Variants in ZNF285 observed in about 807,000 individuals in gnomAD.
ZNF285 encodes zinc finger protein 285A.
ZNF285 carries 4 observed loss-of-function variants against 6.2 expected under a neutral mutation model. That is an observed-to-expected ratio of 0.65 (90% CI 0.32 to 1.49). ZNF285 has a LOEUF of 1.49. Among genes scored for constraint, ZNF285 ranks in the 40% most tolerant of loss-of-function variants. The pLI, the probability that ZNF285 is intolerant of heterozygous loss-of-function variation, is 0.07. For synonymous variants in ZNF285, 240 were observed against 245.8 expected (o/e 0.98, Z 0.22); for missense variants, 695 against 708.8 (o/e 0.98, Z 0.22).
At chr19:44,390,983 A>G (rs12709876) in intron 3 of ZNF285, among the ~76,000 whole-genome samples, 39,499 of 151,606 alleles carry the variant, frequency 0.26, 8,680 homozygotes, top group African/African-American at 0.58. Flanking sequence ...GTGAAATCCC[A>G]TCTCTACTAA....
rs1405768526 is a variant in ZNF285, at chr19:44,383,535, T to G, written c.*2937A>C. 2 of 152,186 alleles carry G rather than the reference T, an allele frequency of 1.3e-5. No individual in the cohort carries two copies. The highest frequency in any genetic ancestry group is 4.8e-5 in the African/African-American group (2 of 41,430). The allele number at this position is 152,186 out of a possible 1,614,324, so 9.4% of individuals were successfully genotyped here. ...ACCATCAGCTGACTGCAGATGCATG[T>G]ACAAAGCCCAGTTAAGATAATCTAG... On this transcript the variant is annotated 3_prime_UTR_variant, in exon 4 of 4. Transcript: ENST00000614994.
chr19:44,389,133 T>C (rs1971150208), intron 3 of ZNF285, among the ~76,000 whole-genome samples: 1 of 151,666 alleles, frequency 6.6e-6, no homozygotes, highest in Non-Finnish European at 1.5e-5. Context: ...TTTTAAGTTG[T>C]TGCAGAATCT....
intron 1 of ZNF285, among the ~76,000 whole-genome samples, chr19:44,397,756 T>C (rs914790418): frequency 1.3e-5 from 2 of 151,954 alleles, no homozygotes; most frequent in Admixed American, 1.3e-4. Flanking sequence ...TGGTGGCGGA[T>C]GCCTGTAATC....
Position 44,387,929 on chromosome 19 carries a change from A to T in ZNF285, c.316T>A (p.Ser106Thr). 6.2e-7 allele frequency: 1 copy of T among 1,614,118 alleles called. No individual in the cohort carries two copies. Among genetic ancestry groups the T allele is most frequent in the Non-Finnish European group, 8.5e-7 (1 of 1,179,986 alleles). Residue 106 changes from serine (S) to threonine (T), a missense_variant, in exon 4 of 4, where the codon TCC becomes ACC. Ser to Thr is a moderately conservative substitution (Grantham distance 58). Coordinates refer to ENST00000614994, the MANE Select transcript of ZNF285 (RefSeq NM_152354.6). ...EECSPHLEDV[S>T]LSEEWAGISL... is the part of the protein sequence containing the mutation. ...ATGCCTGCCCACTCTTCACTGAGGG[A>T]AACATCTTCTAAATGTGGGGAACAC...
At chr19:44,397,985 T>C (rs924628306) in intron 1 of ZNF285, among the ~76,000 whole-genome samples, 1 of 151,978 alleles carries the variant, frequency 6.6e-6, no homozygotes, top group Non-Finnish European at 1.5e-5. Flanking sequence ...TGATCTTGTA[T>C]GGCCAAGCCT....
At chr19:44,398,884 T>C (rs145494710) in intron 1 of ZNF285, among the ~76,000 whole-genome samples, 2 of 152,110 alleles carry the variant, frequency 1.3e-5, no homozygotes, top group African/African-American at 4.8e-5. Flanking sequence ...TCTCACACTA[T>C]CTGTGATAAA....
chr19:44,399,446 T>A (rs1599975114), intron 1 of ZNF285, among the ~76,000 whole-genome samples: 1 of 142,072 alleles, frequency 7.0e-6, no homozygotes, highest in Non-Finnish European at 1.5e-5. Flanking sequence ...TTGGTAAGGA[T>A]CTTATCATTT....
Position 44,392,323 on chromosome 19 carries a change from C to A in ZNF285, c.142+17G>T. ...TTTGAGGAAACAGGTCCAGTGGTCT[C>A]ATGCTCAGTTACTCACTCACTAACA... On this transcript the variant is annotated intron_variant, in intron 3 of 3. Coordinates refer to ENST00000614994, the MANE Select transcript of ZNF285 (RefSeq NM_152354.6). 6.2e-7 allele frequency: 1 copy of A among 1,613,488 alleles called. No individual in the cohort carries two copies. Among genetic ancestry groups the A allele is most frequent in the Non-Finnish European group, 8.5e-7 (1 of 1,179,744 alleles).
At chr19:44,394,491 G>A (rs752817115) in intron 2 of ZNF285, 13 of 499,448 alleles carry the variant, frequency 2.6e-5, no homozygotes, top group South Asian at 1.1e-4. Context: ...CCAAACCCCC[G>A]CAACACATAA....
chr19:44,387,509 C>CTGTA lies in ZNF285; in HGVS notation c.732_735dup (p.Asp246TyrfsTer17), dbSNP rs1971110106. On this transcript the variant is annotated frameshift_variant, in exon 4 of 4. Transcript: ENST00000614994. LOFTEE classifies it low-confidence loss of function (END_TRUNC). ...TGAGTGCTGTGATGGACATGAGGAT[C>CTGTA]TGTATCATCTGCAAAGGCCACCCCA... The CTGTA allele has an allele frequency of 6.2e-7, 1 of 1,613,842 alleles. No homozygotes were observed.
intron 2 of ZNF285, among the ~76,000 whole-genome samples, chr19:44,395,088 T>C (rs542409147): frequency 6.6e-6 from 1 of 152,170 alleles, no homozygotes; most frequent in East Asian, 1.9e-4. Flanking sequence ...TGTAGCTGGA[T>C]GGATCCCTTG....
chr19:44,389,574 C>A (rs1374680259), intron 3 of ZNF285, among the ~76,000 whole-genome samples: 2 of 152,194 alleles, frequency 1.3e-5, no homozygotes, highest in Non-Finnish European at 2.9e-5. Context: ...ATACGATGTG[C>A]AATACACTTC....
rs777460889 is a variant in ZNF285 at position 44,387,040 on chromosome 19, C to A, written c.1205G>T (p.Cys402Phe). The change falls in exon 4 of 4, where the codon TGC (cysteine) becomes TTC (phenylalanine). Residue 402 changes from cysteine (C) to phenylalanine (F), a missense_variant. By Grantham distance (205) the Cys-to-Phe change is radical (BLOSUM62 -2). Coordinates refer to ENST00000614994, the MANE Select transcript of ZNF285 (RefSeq NM_152354.6). ...RVHTGEKPYK[C>F]SECGKCFSSS... is the part of the protein sequence containing the mutation. Reference sequence around the variant, plus strand: ...ACTAAAGCACTTGCCACACTCACTGCATTTGTAGGGCTTCTCTCCAGTGTG... The same window carrying A: ...ACTAAAGCACTTGCCACACTCACTGAATTTGTAGGGCTTCTCTCCAGTGTG... The A allele has an allele frequency of 6.2e-6, 10 of 1,614,014 alleles. No homozygotes were observed. In the African/African-American group the frequency reaches 1.3e-4, roughly 22 times the overall value.
intron 3 of ZNF285, among the ~76,000 whole-genome samples, chr19:44,389,041 T>C (rs1971148149): frequency 1.3e-5 from 2 of 148,362 alleles, no homozygotes; most frequent in Non-Finnish European, 2.9e-5. Context: ...AGACATCCTT[T>C]TTATTTTCCC....
rs776001232 is a variant in ZNF285, at chr19:44,387,527, C to A, written c.718G>T (p.Ala240Ser). The change falls in exon 4 of 4, where the codon GCC (alanine) becomes TCC (serine). Residue 240 changes from alanine to serine, a missense_variant. By Grantham distance (99) the Ala-to-Ser change is moderately conservative. Coordinates refer to ENST00000614994, the MANE Select transcript of ZNF285 (RefSeq NM_152354.6). The part of the protein sequence containing the change: ...QPFPCNNCGV[A>S]FADDTDPHVH... Reference sequence around the variant, plus strand: ...TGAGGATCTGTATCATCTGCAAAGGCCACCCCACAGTTATTACATGGGAAA... The same window carrying A: ...TGAGGATCTGTATCATCTGCAAAGGACACCCCACAGTTATTACATGGGAAA... The A allele has an allele frequency of 6.2e-7, 1 of 1,613,808 alleles. No individual in the cohort carries two copies. The highest frequency in any genetic ancestry group is 8.5e-7 in the Non-Finnish European group (1 of 1,179,876).
Position 44,387,448 on chromosome 19 carries a change from C to A in ZNF285, c.797G>T (p.Gly266Val). ...ATCTTGGCTCTGACTAAAGTTCTTT[C>A]CATACTGGTCACATTTATAAGATTT... Reference protein sequence around the residue: ...GEKSYKCDQYGKNFSQSQDLI... With the variant: ...GEKSYKCDQYVKNFSQSQDLI... Residue 266 changes from glycine (G) to valine (V), a missense_variant, in exon 4 of 4, where the codon GGA becomes GTA. Transcript: ENST00000614994. 1 of 1,614,056 alleles carries A rather than the reference C, an allele frequency of 6.2e-7. No homozygotes were observed. The highest frequency in any genetic ancestry group is 8.5e-7 in the Non-Finnish European group (1 of 1,180,024).
At chr19:44,396,073 G>C (rs1253885141) in intron 2 of ZNF285, among the ~76,000 whole-genome samples, 2 of 152,142 alleles carry the variant, frequency 1.3e-5, no homozygotes. Flanking sequence ...GGGCAAGATG[G>C]TTTCCAGGCA....
chr19:44,398,304 C>A (rs1971318490), intron 1 of ZNF285, among the ~76,000 whole-genome samples: 1 of 152,120 alleles, frequency 6.6e-6, no homozygotes, highest in Non-Finnish European at 1.5e-5. Context: ...CACTAAAGCC[C>A]CTTCCTGTTC....
chr19:44,389,256 G>A (rs565273194), intron 3 of ZNF285, among the ~76,000 whole-genome samples: 3 of 152,190 alleles, frequency 2.0e-5, no homozygotes, highest in South Asian at 2.1e-4. Flanking sequence ...AGGCAGAAGA[G>A]GATGATCATA....
Sources: gnomAD v4.1 joint callset for allele counts (sites outside exome capture counted in the v4.1 genomes callset) on GRCh38, gnomAD v4.1.1 for gene constraint, MANE v1.5 for transcripts, NCBI Gene and HGNC (gene_info 2026-07-23, HGNC 2026-07-21) for gene names.